The following ZNF618 variants were observed in gnomAD, a reference collection of about 807,000 sequenced individuals.
ZNF618 encodes neural precursor cell expressed, developmentally down-regulated 10.
In ZNF618, 34 loss-of-function variants were observed where a neutral mutation model predicts 103.0. The observed-to-expected ratio is 0.33, with a 90% CI of 0.25 to 0.44. The LOEUF (loss-of-function observed/expected upper bound fraction) is 0.44, where lower values mean the gene tolerates loss of function less well. Ranked by LOEUF, ZNF618 falls within the 20% of genes least tolerant of loss-of-function variation. The probability of loss-of-function intolerance (pLI) is 1.00; values close to 1 mark genes in which losing one functional copy is unlikely to be tolerated. For missense variants in ZNF618, 1,059 were observed against 1,295.4 expected (o/e 0.82, Z 2.80); for synonymous variants, 551 against 542.2 (o/e 1.02, Z -0.23).
In ZNF618 at chr9:114,053,249, A is replaced by C. The variant is rs1178900413; in HGVS notation, c.*3082A>C. ...TATCCACCTCACCAAATTCTAGTTC[A>C]GCCAAAGGATTGAGACAGGCTCTTC... On this transcript the variant is annotated 3_prime_UTR_variant, in exon 15 of 15. Coordinates refer to ENST00000374126, the MANE Select transcript of ZNF618 (RefSeq NM_001318042.2). The C allele has an allele frequency of 6.6e-6, 1 of 152,428 alleles. No homozygotes were observed. Among genetic ancestry groups the C allele is most frequent in the Admixed American group, 6.5e-5 (1 of 15,284 alleles). 9.4% of individuals were successfully genotyped at this position (152,428 alleles called of 1,614,324 possible).
chr9:114,041,722 G>A (rs10982044), intron 13 of ZNF618, among the ~76,000 whole-genome samples: 9,946 of 152,210 alleles, frequency 0.065, 361 homozygotes, highest in Middle Eastern at 0.1. Context: ...TGCTGTTTTG[G>A]TTACTGTAGC....
chr9:114,049,863 G>C lies in ZNF618; in HGVS notation c.2561G>C (p.Arg854Pro). Residue 854 changes from arginine (R) to proline (P), a missense_variant, in exon 15 of 15, where the codon CGC (arginine) becomes CCC (proline). Physicochemically the swap from Arg to Pro is moderately radical, Grantham distance 103. Coordinates refer to ENST00000374126, the MANE Select transcript of ZNF618 (RefSeq NM_001318042.2). ...ADFEPAAKKP[R>P]SAAVENPAAQ... Reference sequence around the variant, plus strand: ...TTCGAGCCCGCTGCCAAGAAGCCCCGCTCTGCTGCCGTCGAGAACCCCGCA... The same window carrying C: ...TTCGAGCCCGCTGCCAAGAAGCCCCCCTCTGCTGCCGTCGAGAACCCCGCA... The C allele has an allele frequency of 1.9e-6, 3 of 1,613,938 alleles. No homozygotes were observed. Among genetic ancestry groups the C allele is most frequent in the Non-Finnish European group, 2.5e-6 (3 of 1,179,902 alleles).
intron 1 of ZNF618, among the ~76,000 whole-genome samples, chr9:113,961,401 T>C (rs1836831247): frequency 6.6e-6 from 1 of 152,228 alleles, no homozygotes; most frequent in East Asian, 1.9e-4. Flanking sequence ...GGCGAATGAA[T>C]AAGGAACCAG....
chr9:113,972,985 C>T (rs145646743), intron 2 of ZNF618, among the ~76,000 whole-genome samples: 1 of 152,124 alleles, frequency 6.6e-6, no homozygotes, highest in Non-Finnish European at 1.5e-5. Context: ...GGGAGAATCA[C>T]TTGAACCCAG....
At chr9:113,964,471 TCCCC>T (rs1837169396) in intron 1 of ZNF618, among the ~76,000 whole-genome samples, 1 of 150,932 alleles carries the variant, frequency 6.6e-6, no homozygotes, top group Non-Finnish European at 1.5e-5. Context: ...TTGGCCACCC[TCCCC>T]CACCCTCACC....
At chr9:113,947,875 C>T (rs994405783) in intron 1 of ZNF618, among the ~76,000 whole-genome samples, 1 of 152,120 alleles carries the variant, frequency 6.6e-6, no homozygotes, top group African/African-American at 2.4e-5. Flanking sequence ...GCAAGAAAAC[C>T]ACAGCTGCCT....
At chr9:113,886,195 T>G (rs1211690649) in intron 1 of ZNF618, among the ~76,000 whole-genome samples, 1 of 152,220 alleles carries the variant, frequency 6.6e-6, no homozygotes, top group Non-Finnish European at 1.5e-5. Context: ...AAAAGTGCTT[T>G]TGGCTTGCTT....
At chr9:114,017,101 G>A (rs1050500836) in intron 10 of ZNF618, among the ~76,000 whole-genome samples, 1 of 152,140 alleles carries the variant, frequency 6.6e-6, no homozygotes, top group African/African-American at 2.4e-5. Flanking sequence ...TCTAGGTACC[G>A]CTACATCACA....
intron 1 of ZNF618, among the ~76,000 whole-genome samples, chr9:113,925,523 A>ATGGTATAT (rs1289969330): frequency 6.6e-6 from 1 of 150,716 alleles, no homozygotes; most frequent in East Asian, 1.9e-4. Flanking sequence ...AGTGATTGAT[A>ATGGTATAT]TGGTATATTA....
intron 13 of ZNF618, among the ~76,000 whole-genome samples, chr9:114,038,924 A>G (rs1044706398): frequency 1.8e-4 from 28 of 152,336 alleles, no homozygotes; most frequent in African/African-American, 6.7e-4. Flanking sequence ...GCCTTGTTCT[A>G]AGACTTTTAC....
intron 12 of ZNF618, among the ~76,000 whole-genome samples, chr9:114,033,987 C>T (rs1235571433): frequency 6.6e-6 from 1 of 152,140 alleles, no homozygotes; most frequent in South Asian, 2.1e-4. Flanking sequence ...CACATATGAA[C>T]CCCAGCTCCA....
chr9:113,888,080 G>A (rs1829246476), intron 1 of ZNF618, among the ~76,000 whole-genome samples: 1 of 152,078 alleles, frequency 6.6e-6, no homozygotes, highest in Admixed American at 6.5e-5. Context: ...ATTCAGAGGT[G>A]AAAGGAATTG....
Position 113,963,970 on chromosome 9 carries a change from A to T in ZNF618, c.34-5147A>T, listed in dbSNP as rs572518269. Among the ~76,000 whole-genome samples, 23 of 152,328 alleles carry T rather than the reference A, an allele frequency of 1.5e-4. No individual in the cohort carries two copies. In the South Asian group the frequency reaches 2.7e-3, roughly 18 times the overall value. ...TTGGGAAAACAATGAACAGGGACAA[A>T]TTAAATCTAGCTGGGGGAGGAGGGA... is the stretch of plus-strand genomic sequence containing the variant. On this transcript the variant is annotated intron_variant, in intron 1 of 14. Coordinates refer to ENST00000374126, the MANE Select transcript of ZNF618 (RefSeq NM_001318042.2).
At chr9:114,032,861 G>T in intron 12 of ZNF618, 133 bp downstream of exon 12, 1 of 796,400 alleles carries the variant, frequency 1.3e-6, no homozygotes, top group South Asian at 1.5e-5. Flanking sequence ...AGGAGGCTGG[G>T]AGCAGGGAAT....
At chr9:113,987,427 C>T (rs1210071202) in intron 2 of ZNF618, among the ~76,000 whole-genome samples, 2 of 152,304 alleles carry the variant, frequency 1.3e-5, no homozygotes, top group East Asian at 3.9e-4. Flanking sequence ...GACATCATTA[C>T]CTCGAGGATG....
chr9:113,959,011 G>A (rs814685), intron 1 of ZNF618, among the ~76,000 whole-genome samples: 6,545 of 152,310 alleles, frequency 0.043, 163 homozygotes, highest in African/African-American at 0.065. Context: ...GTTTTAGGCC[G>A]GGCGCGGTGG....
At chr9:113,893,858 A>G (rs1308122682) in intron 1 of ZNF618, among the ~76,000 whole-genome samples, 2 of 152,130 alleles carry the variant, frequency 1.3e-5, no homozygotes, top group East Asian at 1.9e-4. Context: ...ACACATTTCC[A>G]TATTTCCACC....
intron 4 of ZNF618, among the ~76,000 whole-genome samples, chr9:113,998,583 C>G (rs999360281): frequency 6.6e-6 from 1 of 152,224 alleles, no homozygotes; most frequent in Non-Finnish European, 1.5e-5. Context: ...GAAATCTGGA[C>G]GCCTAGAATG....
chr9:113,940,578 T>G (rs564788269), intron 1 of ZNF618, among the ~76,000 whole-genome samples: 83 of 149,246 alleles, frequency 5.6e-4, no homozygotes, highest in Non-Finnish European at 1.0e-3. Flanking sequence ...GTTAAAATTT[T>G]GGGGGGGTGG....
Sources: allele counts gnomAD v4.1 joint callset (sites outside exome capture counted in the v4.1 genomes callset), GRCh38; gene constraint gnomAD v4.1.1; transcripts MANE v1.5; gene names NCBI Gene and HGNC (gene_info 2026-07-23, HGNC 2026-07-21).